The following TBC1D32 variants were observed in gnomAD, a reference collection of about 807,000 sequenced individuals.
TBC1D32 encodes the protein protein broad-minded.
Under a neutral mutation model 170.3 loss-of-function variants are expected in TBC1D32, and 151 were observed. That is an observed-to-expected ratio of 0.89 (90% CI 0.78 to 1.01). The LOEUF is 1.01. TBC1D32 is among the 50% of genes least tolerant of loss of function. TBC1D32 has a pLI of 0.00. For synonymous variants in TBC1D32, 498 were observed against 488.0 expected, an observed-to-expected ratio of 1.02 and a Z score of -0.27; for missense variants, 1,464 against 1,457.1, an observed-to-expected ratio of 1.00 and a Z score of -0.08.
chr6:121,103,975 T>C (rs1778427552), intron 30 of TBC1D32, among the ~76,000 whole-genome samples: 1 of 151,914 alleles, frequency 6.6e-6, no homozygotes, highest in Non-Finnish European at 1.5e-5. Context: ...TAGGTATATA[T>C]AGCAAGAGCA....
At chr6:121,233,012 G>A (rs1795931869) in intron 20 of TBC1D32, among the ~76,000 whole-genome samples, 1 of 152,064 alleles carries the variant, frequency 6.6e-6, no homozygotes, top group Non-Finnish European at 1.5e-5. Flanking sequence ...GTATTTGCAT[G>A]GTTTTGAGGG....
At chr6:121,247,844 G>T (rs1217081425) in intron 17 of TBC1D32, among the ~76,000 whole-genome samples, 1 of 151,844 alleles carries the variant, frequency 6.6e-6, no homozygotes, top group Non-Finnish European at 1.5e-5. Flanking sequence ...CCTAAGAAAT[G>T]AGATTGACAA....
intron 31 of TBC1D32, among the ~76,000 whole-genome samples, chr6:121,088,375 C>A (rs1156926604): frequency 6.6e-6 from 1 of 152,020 alleles, no homozygotes; most frequent in Non-Finnish European, 1.5e-5. Context: ...ATGAGGAATT[C>A]TTAAATCATG....
intron 30 of TBC1D32, among the ~76,000 whole-genome samples, chr6:121,093,853 T>C (rs953961338): frequency 2.6e-5 from 4 of 152,184 alleles, no homozygotes; most frequent in Non-Finnish European, 5.9e-5. Flanking sequence ...GAAAAAGTGC[T>C]ATATAAATGT....
rs141864704 is a variant in TBC1D32 at position 121,206,700 on chromosome 6, C to T, written c.2482-1537G>A. Among the ~76,000 whole-genome samples the T allele has an allele frequency of 3.7e-3, 559 of 152,238 alleles. 3 individuals carry two copies. The highest frequency in any genetic ancestry group is 0.013 in the African/African-American group (524 of 41,528). On this transcript the variant is annotated intron_variant, in intron 21 of 31. Coordinates refer to ENST00000398212, the MANE Select transcript of TBC1D32 (RefSeq NM_152730.6). ...TGTAGAAGTGTGTAAATAATACTAG[C>T]ATGAGAGTTTAAATTGGTAAATATT...
intron 21 of TBC1D32, among the ~76,000 whole-genome samples, chr6:121,207,564 G>A (rs1012618977): frequency 4.6e-5 from 7 of 152,044 alleles, no homozygotes; most frequent in African/African-American, 9.7e-5. Context: ...CAAAACTCCT[G>A]GGAAGCCTCA....
chr6:121,190,073 G>GACACAC (rs533974518), intron 22 of TBC1D32, among the ~76,000 whole-genome samples: 26 of 63,732 alleles, frequency 4.1e-4, no homozygotes, highest in Middle Eastern at 0.018. Context: ...GCCCAATACA[G>GACACAC]ACACACACAC....
At chr6:121,284,862 T>C (rs1166202250) in intron 12 of TBC1D32, among the ~76,000 whole-genome samples, 1 of 152,162 alleles carries the variant, frequency 6.6e-6, no homozygotes, top group African/African-American at 2.4e-5. Flanking sequence ...AACAGTATCC[T>C]ATAAAATAAT....
At chr6:121,325,554 G>A (rs975882755) in intron 1 of TBC1D32, among the ~76,000 whole-genome samples, 2 of 152,156 alleles carry the variant, frequency 1.3e-5, no homozygotes, top group African/African-American at 4.8e-5. Context: ...ATGGTGTTGG[G>A]AAAACTGGCT....
intron 21 of TBC1D32, among the ~76,000 whole-genome samples, chr6:121,211,994 AACACAC>A (rs66924686): frequency 0.019 from 2,754 of 147,608 alleles, 55 homozygotes; most frequent in African/African-American, 0.054. Context: ...GAACAAACAC[AACACAC>A]ACACACACAC....
intron 5 of TBC1D32, among the ~76,000 whole-genome samples, chr6:121,305,706 T>TCTGTCATA (rs1253430983): frequency 2.0e-5 from 3 of 152,206 alleles, no homozygotes; most frequent in African/African-American, 7.2e-5. Context: ...CTGATAGGTA[T>TCTGTCATA]CTGTCATACT....
At position 121,242,400 on chromosome 6, in the gene TBC1D32, G is replaced by GT. The variant is rs1473231931; in HGVS notation, c.2019-62dup. The GT allele has an allele frequency of 2.6e-6, 4 of 1,535,076 alleles. No homozygotes were observed. In the Admixed American group the frequency reaches 7.1e-5, roughly 27 times the overall value. ...AGATACTAAAAACTGAAAACAAAGA[G>GT]TATGTCTTAGCTGAGCTTAACCCTG... is the stretch of plus-strand genomic sequence containing the variant. On this transcript the variant is annotated intron_variant, in intron 17 of 31. Transcript: ENST00000398212.
At chr6:121,088,763 C>T (rs571909135) in intron 31 of TBC1D32, among the ~76,000 whole-genome samples, 52 of 152,166 alleles carry the variant, frequency 3.4e-4, no homozygotes, top group Non-Finnish European at 5.0e-4. Flanking sequence ...CTAGGACACA[C>T]GCTAAAATTA....
upstream of TBC1D32, chr6:121,334,693 G>C: frequency 2.0e-6 from 1 of 504,518 alleles, no homozygotes; most frequent in Non-Finnish European, 3.6e-6. Flanking sequence ...GCAGACCTCA[G>C]GCTCTCCCGA....
Position 121,139,187 on chromosome 6 carries a change from G to A in TBC1D32, c.2774-7435C>T, listed in dbSNP as rs951566675. On this transcript the variant is annotated intron_variant, in intron 24 of 31. Transcript: ENST00000398212. The stretch of plus-strand genomic sequence containing the variant: ...CAAAGAATTTTTACTCATGCCTAGG[G>A]GATTCTATTTTTAGTTGATTGGGGG... 4.6e-5 allele frequency among the ~76,000 whole-genome samples: 7 copies of A among 152,024 alleles called. 1 individual carries two copies.
chr6:121,262,583 T>G (rs1290158161), intron 15 of TBC1D32, among the ~76,000 whole-genome samples: 1 of 151,790 alleles, frequency 6.6e-6, no homozygotes, highest in African/African-American at 2.4e-5. Flanking sequence ...TTCAAGCAAT[T>G]CTCCTGCCTC....
At chr6:121,122,960 G>T (rs1342776404) in intron 26 of TBC1D32, among the ~76,000 whole-genome samples, 1 of 152,030 alleles carries the variant, frequency 6.6e-6, no homozygotes, top group African/African-American at 2.4e-5. Flanking sequence ...TTATGCTATG[G>T]TCAATGGTGA....
intron 3 of TBC1D32, among the ~76,000 whole-genome samples, chr6:121,315,739 G>A (rs1308098038): frequency 1.3e-5 from 2 of 151,894 alleles, no homozygotes; most frequent in Non-Finnish European, 2.9e-5. Flanking sequence ...TATTTTTAGA[G>A]ATCTTTTCAA....
chr6:121,219,203 G>A (rs1794207463), intron 21 of TBC1D32, among the ~76,000 whole-genome samples: 1 of 152,110 alleles, frequency 6.6e-6, no homozygotes, highest in South Asian at 2.1e-4. Context: ...GAAGCTTAGG[G>A]TGGAGGGGAA....
Sources: allele counts gnomAD v4.1 joint callset (sites outside exome capture counted in the v4.1 genomes callset), GRCh38; gene constraint gnomAD v4.1.1; transcripts MANE v1.5; gene names NCBI Gene and HGNC (gene_info 2026-07-23, HGNC 2026-07-21).